The following LARP4B variants were observed in gnomAD, a reference collection of about 807,000 sequenced individuals.
The protein encoded by LARP4B is La ribonucleoprotein 4B.
LARP4B carries 12 observed loss-of-function variants against 89.8 expected under a neutral mutation model. That is an observed-to-expected ratio of 0.13 (90% CI 0.09 to 0.22). The LOEUF is 0.22. Among genes scored for constraint, LARP4B ranks in the 10% least tolerant of loss-of-function variants. The pLI is 1.00. For synonymous variants in LARP4B, 367 were observed against 363.3 expected (o/e 1.01, Z -0.12); for missense variants, 757 against 947.7 (o/e 0.80, Z 2.64).
intron 1 of LARP4B, among the ~76,000 whole-genome samples, chr10:925,776 C>A (rs749090687): frequency 6.6e-5 from 10 of 152,190 alleles, no homozygotes; most frequent in Non-Finnish European, 1.5e-4. Context: ...TCAGGTGATC[C>A]ACCCGCCTCG....
At chr10:940,815 C>CTTTGAAAAGATGT in the LARP4B span, among the ~76,000 whole-genome samples, 2 of 151,730 alleles carry the variant, frequency 1.3e-5, no homozygotes, top group African/African-American at 4.9e-5. Context: ...CACTGCGAGA[C>CTTTGAAAAGATGT]TTTGAAAAGA....
intron 1 of LARP4B, among the ~76,000 whole-genome samples, chr10:898,629 C>T (rs1274616757): frequency 6.6e-6 from 1 of 152,322 alleles, no homozygotes; most frequent in South Asian, 2.1e-4. Context: ...ATTTCCTAAA[C>T]AGCAGGTAAT....
rs1833495690 is a variant in LARP4B, at chr10:841,006, A to G, written c.646+1926T>C. Among the ~76,000 whole-genome samples the G allele has an allele frequency of 2.0e-5, 3 of 152,148 alleles. No homozygotes were observed. The South Asian group carries it at 6.2e-4, about 32-fold the overall frequency. ...GTCTCTACTAAAAGTACAAAAAATT[A>G]GCTGGGCGTGGTGGTGCACGCTTGT... On this transcript the variant is annotated intron_variant, in intron 7 of 17. Transcript: ENST00000316157.
At chr10:853,138 C>G (rs1834138374) in intron 5 of LARP4B, among the ~76,000 whole-genome samples, 1 of 152,130 alleles carries the variant, frequency 6.6e-6, no homozygotes, top group Non-Finnish European at 1.5e-5. Flanking sequence ...TAAAAAGTAA[C>G]TATGAAAAAC....
intron 1 of LARP4B, among the ~76,000 whole-genome samples, chr10:922,044 T>C (rs545949210): frequency 6.6e-6 from 1 of 152,008 alleles, no homozygotes; most frequent in Admixed American, 6.6e-5. Flanking sequence ...ACAGGTTTCA[T>C]GCAAGACAAT....
the LARP4B span, among the ~76,000 whole-genome samples, chr10:976,528 GC>G: frequency 2.0e-5 from 3 of 149,180 alleles, no homozygotes; most frequent in Non-Finnish European, 4.5e-5. Context: ...GTAATGTGCG[GC>G]CCGGCCTAGT....
intron 1 of LARP4B, among the ~76,000 whole-genome samples, chr10:913,737 CCT>C (rs1368793249): frequency 8.5e-5 from 13 of 152,236 alleles, no homozygotes; most frequent in African/African-American, 2.9e-4. Flanking sequence ...AGTGAAACCC[CCT>C]CTCTACCAAA....
intron 3 of LARP4B, among the ~76,000 whole-genome samples, chr10:872,778 C>G (rs1835287717): frequency 6.6e-6 from 1 of 152,174 alleles, no homozygotes; most frequent in African/African-American, 2.4e-5. Context: ...CACAGTAGAT[C>G]ACAGACCCCC....
intron 8 of LARP4B, among the ~76,000 whole-genome samples, chr10:834,491 T>C (rs1833090660): frequency 6.6e-6 from 1 of 152,240 alleles, no homozygotes; most frequent in African/African-American, 2.4e-5. Context: ...TGGAAACTCC[T>C]AGCCTACATT....
At chr10:835,003 G>A (rs1039815360) in intron 8 of LARP4B, among the ~76,000 whole-genome samples, 10 of 147,922 alleles carry the variant, frequency 6.8e-5, no homozygotes, top group Non-Finnish European at 1.2e-4. Flanking sequence ...TCGTGCCACT[G>A]CATGCCAGCC....
At chr10:823,676 G>A (rs1038739060) in intron 13 of LARP4B, among the ~76,000 whole-genome samples, 3 of 151,846 alleles carry the variant, frequency 2.0e-5, no homozygotes. Flanking sequence ...TGGCCTTGAT[G>A]AGTAGGGCTC....
intron 1 of LARP4B, among the ~76,000 whole-genome samples, chr10:913,799 C>T (rs530178246): frequency 6.6e-6 from 1 of 152,258 alleles, no homozygotes; most frequent in South Asian, 2.1e-4. Context: ...GTCCCAGCTA[C>T]TTGGGACGCT....
At chr10:830,383 T>C (rs764224086) in intron 9 of LARP4B, among the ~76,000 whole-genome samples, 8 of 152,210 alleles carry the variant, frequency 5.3e-5, no homozygotes, top group Non-Finnish European at 8.8e-5. Context: ...ACATACTGTT[T>C]ATACCATTTA....
At chr10:947,682 C>T in the LARP4B span, among the ~76,000 whole-genome samples, 9 of 152,184 alleles carry the variant, frequency 5.9e-5, no homozygotes, top group African/African-American at 2.2e-4. Flanking sequence ...AGTGCAAGGG[C>T]GCAATCTCGG....
chr10:936,410 G>C (rs1830748405), upstream of LARP4B, among the ~76,000 whole-genome samples: 1 of 152,108 alleles, frequency 6.6e-6, no homozygotes, highest in Non-Finnish European at 1.5e-5. Context: ...GAAGAAGGAG[G>C]CAGTGAGTCA....
Position 900,308 on chromosome 10 carries a change from T to C in LARP4B, c.-39-14548A>G, listed in dbSNP as rs188029213. 6.4e-3 allele frequency among the ~76,000 whole-genome samples: 969 copies of C among 151,068 alleles called. 4 individuals carry two copies. Among genetic ancestry groups the C allele is most frequent in the Non-Finnish European group, 0.01 (689 of 67,870 alleles). On this transcript the variant is annotated intron_variant, in intron 1 of 17. Coordinates refer to ENST00000316157, the MANE Select transcript of LARP4B (RefSeq NM_015155.3). ...GTTGCAGTGAGCCAAGATCGCACCA[T>C]TGCACTCCAGCCTGGCAACAAGAAC...
At chr10:968,365 T>C in the LARP4B span, among the ~76,000 whole-genome samples, 3 of 152,202 alleles carry the variant, frequency 2.0e-5, no homozygotes, top group African/African-American at 7.2e-5. Flanking sequence ...TTCTTAGAGA[T>C]AGTTTCCAAA....
At chr10:838,604 G>A (rs1833353001) in intron 7 of LARP4B, among the ~76,000 whole-genome samples, 1 of 152,138 alleles carries the variant, frequency 6.6e-6, no homozygotes, top group African/African-American at 2.4e-5. Flanking sequence ...CACAAACAAT[G>A]ACACCACCAA....
At chr10:875,169 T>C (rs1242641911) in intron 3 of LARP4B, among the ~76,000 whole-genome samples, 1 of 152,210 alleles carries the variant, frequency 6.6e-6, no homozygotes, top group Non-Finnish European at 1.5e-5. Context: ...AAGGACATAG[T>C]AAAGCAGAGA....
Sources: allele counts gnomAD v4.1 joint callset (sites outside exome capture counted in the v4.1 genomes callset), GRCh38; gene constraint gnomAD v4.1.1; transcripts MANE v1.5; gene names NCBI Gene and HGNC (gene_info 2026-07-23, HGNC 2026-07-21).